CNTNAP2: variants seen among roughly 807,000 people sequenced by gnomAD.
The protein encoded by CNTNAP2 is contactin associated protein 2, also known as contactin-associated protein-like 2.
CNTNAP2 carries 98 observed loss-of-function variants against 155.2 expected under a neutral mutation model. The observed-to-expected ratio is 0.63, with a 90% CI of 0.54 to 0.75. CNTNAP2 has a LOEUF of 0.75. Among genes scored for constraint, CNTNAP2 ranks in the 30% least tolerant of loss-of-function variants. The pLI is 0.00. For synonymous variants in CNTNAP2, 651 were observed against 631.2 expected (o/e 1.03, Z -0.47); for missense variants, 1,727 against 1,688.1 (o/e 1.02, Z -0.40).
intron 1 of CNTNAP2, among the ~76,000 whole-genome samples, chr7:146,322,034 A>G (rs1052298260): frequency 7.2e-5 from 11 of 152,178 alleles, no homozygotes; most frequent in Admixed American, 1.3e-4. Context: ...TGGACCTTGG[A>G]GTCTTCATAA....
chr7:146,273,184 A>G (rs989017988), intron 1 of CNTNAP2, among the ~76,000 whole-genome samples: 1 of 151,754 alleles, frequency 6.6e-6, no homozygotes, highest in African/African-American at 2.4e-5. Flanking sequence ...GCTTTGGGAA[A>G]TGTATTTTTA....
chr7:148,197,714 G>A (rs1261792466), intron 18 of CNTNAP2, among the ~76,000 whole-genome samples: 1 of 152,178 alleles, frequency 6.6e-6, no homozygotes, highest in Non-Finnish European at 1.5e-5. Context: ...TGACAGGCTT[G>A]AGCCCTCTGA....
intron 1 of CNTNAP2, among the ~76,000 whole-genome samples, chr7:146,398,565 G>A (rs1044856635): frequency 5.3e-5 from 8 of 152,060 alleles, no homozygotes; most frequent in African/African-American, 1.9e-4. Context: ...CCGGAATCTT[G>A]TATTGCAAGT....
In CNTNAP2 at chr7:146,910,658, G is replaced by C. The variant is rs1053115032; in HGVS notation, c.402+70754G>C. On this transcript the variant is annotated intron_variant, in intron 3 of 23. Coordinates refer to ENST00000361727, the MANE Select transcript of CNTNAP2 (RefSeq NM_014141.6). ...ACACCTTATACAAAAATCAATTCAAGATGGATCAAAGATTTAAACGTTAGA... is the reference window on the plus strand; with the variant it reads ...ACACCTTATACAAAAATCAATTCAACATGGATCAAAGATTTAAACGTTAGA... Among the ~76,000 whole-genome samples, 169 of 150,542 alleles carry C rather than the reference G, an allele frequency of 1.1e-3. 2 individuals carry two copies. In the South Asian group the frequency reaches 0.024, roughly 21 times the overall value.
At chr7:147,820,671 T>C (rs1798347111) in intron 13 of CNTNAP2, among the ~76,000 whole-genome samples, 1 of 152,158 alleles carries the variant, frequency 6.6e-6, no homozygotes, top group Admixed American at 6.5e-5. Context: ...ACTGATCAAT[T>C]TCAAATTAAT....
At chr7:146,508,076 T>C (rs1563112277) in intron 1 of CNTNAP2, among the ~76,000 whole-genome samples, 1 of 152,210 alleles carries the variant, frequency 6.6e-6, no homozygotes, top group Non-Finnish European at 1.5e-5. Flanking sequence ...ACCATCATCT[T>C]CCAAGTTCCG....
At chr7:146,350,408 G>A (rs1056613557) in intron 1 of CNTNAP2, among the ~76,000 whole-genome samples, 4 of 152,048 alleles carry the variant, frequency 2.6e-5, no homozygotes, top group African/African-American at 7.3e-5. Flanking sequence ...CATTTATGCA[G>A]CCAAAAAACA....
In CNTNAP2 at chr7:148,099,278, T is replaced by C. The variant is rs140019675; in HGVS notation, c.2384-18840T>C. Among the ~76,000 whole-genome samples the C allele has an allele frequency of 3.4e-3, 519 of 152,356 alleles. 3 individuals carry two copies. The highest frequency in any genetic ancestry group is 0.012 in the African/African-American group (502 of 41,578). ...AGAACATGGGAAGGGTCTGAGCTAC[T>C]ATTTATTAATAATGCCATTATCATA... is the stretch of plus-strand genomic sequence containing the variant. On this transcript the variant is annotated intron_variant, in intron 15 of 23. Coordinates refer to ENST00000361727, the MANE Select transcript of CNTNAP2 (RefSeq NM_014141.6).
intron 11 of CNTNAP2, among the ~76,000 whole-genome samples, chr7:147,515,412 T>C (rs1444319472): frequency 2.8e-5 from 4 of 141,880 alleles, no homozygotes; most frequent in Admixed American, 7.5e-5. Flanking sequence ...AACCTCCACC[T>C]CCTGGGTTCA....
At position 146,438,900 on chromosome 7, in the gene CNTNAP2, G is replaced by T. The variant is rs891789286; in HGVS notation, c.97+321927G>T. Among the ~76,000 whole-genome samples, 5 of 151,478 alleles carry T rather than the reference G, an allele frequency of 3.3e-5. 1 individual carries two copies. Among genetic ancestry groups the T allele is most frequent in the Admixed American group, 1.3e-4 (2 of 15,246 alleles). On this transcript the variant is annotated intron_variant, in intron 1 of 23. Coordinates refer to ENST00000361727, the MANE Select transcript of CNTNAP2 (RefSeq NM_014141.6). ...GGCACACACTTGTTGAACATGGTCTGTCATCCTGAGCATAGATTTTAATGC... is the reference window on the plus strand; with the variant it reads ...GGCACACACTTGTTGAACATGGTCTTTCATCCTGAGCATAGATTTTAATGC...
At chr7:146,664,834 T>C (rs1800162966) in intron 1 of CNTNAP2, among the ~76,000 whole-genome samples, 2 of 152,224 alleles carry the variant, frequency 1.3e-5, no homozygotes, top group South Asian at 4.1e-4. Context: ...TAGGACTATT[T>C]AGGCTGTTTC....
chr7:147,152,060 A>G (rs1338185130), intron 8 of CNTNAP2, among the ~76,000 whole-genome samples: 1 of 152,108 alleles, frequency 6.6e-6, no homozygotes, highest in Non-Finnish European at 1.5e-5. Flanking sequence ...TCTGCCCCCA[A>G]ATGTGTATTT....
chr7:147,147,729 A>G (rs1333205519), intron 8 of CNTNAP2, among the ~76,000 whole-genome samples: 2 of 152,130 alleles, frequency 1.3e-5, no homozygotes, highest in Non-Finnish European at 2.9e-5. Flanking sequence ...AACACCTGAC[A>G]TGCTACTGCC....
chr7:147,653,714 C>G (rs1277701696), intron 13 of CNTNAP2, among the ~76,000 whole-genome samples: 1 of 152,142 alleles, frequency 6.6e-6, no homozygotes, highest in Non-Finnish European at 1.5e-5. Flanking sequence ...GCAACAGCAA[C>G]TAGAACAAAC....
intron 1 of CNTNAP2, among the ~76,000 whole-genome samples, chr7:146,236,274 A>G (rs1372868656): frequency 1.3e-5 from 2 of 152,210 alleles, no homozygotes; most frequent in African/African-American, 2.4e-5. Context: ...CTTTATTCAT[A>G]TCAATTATGA....
intron 8 of CNTNAP2, among the ~76,000 whole-genome samples, chr7:147,284,406 C>T (rs1525215): frequency 0.16 from 24,852 of 151,640 alleles, 3,352 homozygotes; most frequent in East Asian, 0.76. Flanking sequence ...GTATATCACA[C>T]GGCTCTCCTG....
chr7:148,062,654 G>A (rs575665099), intron 15 of CNTNAP2, among the ~76,000 whole-genome samples: 2 of 152,012 alleles, frequency 1.3e-5, no homozygotes, highest in East Asian at 3.9e-4. Context: ...TAGAACTGAA[G>A]GACAATAAAT....
At chr7:147,861,222 C>T (rs927106268) in intron 13 of CNTNAP2, among the ~76,000 whole-genome samples, 12 of 152,168 alleles carry the variant, frequency 7.9e-5, no homozygotes, top group Non-Finnish European at 1.8e-4. Flanking sequence ...TCCCTTGGAA[C>T]CTAGCCCATT....
At chr7:148,135,864 G>A (rs1273309567) in intron 16 of CNTNAP2, among the ~76,000 whole-genome samples, 3 of 130,976 alleles carry the variant, frequency 2.3e-5, no homozygotes, top group Admixed American at 1.6e-4. Flanking sequence ...CAGAGGGGAG[G>A]GGAGGGGGGG....
Sources: gnomAD v4.1 joint callset for allele counts (sites outside exome capture counted in the v4.1 genomes callset) on GRCh38, gnomAD v4.1.1 for gene constraint, MANE v1.5 for transcripts, NCBI Gene and HGNC (gene_info 2026-07-23, HGNC 2026-07-21) for gene names.